Variants in ASXL1 observed in about 807,000 individuals in gnomAD.
ASXL1 encodes the protein ASXL transcriptional regulator 1.
ASXL1 carries 65 observed loss-of-function variants against 89.1 expected under a neutral mutation model. The ratio of observed to expected loss-of-function variants is 0.73; its 90% CI spans 0.60 to 0.90. The LOEUF is 0.90. ASXL1 is among the 40% of genes least tolerant of loss of function. The probability of loss-of-function intolerance (pLI) is 0.00; values close to 1 mark genes in which losing one functional copy is unlikely to be tolerated. For synonymous variants in ASXL1, 739 were observed against 746.9 expected (o/e 0.99, Z 0.17); for missense variants, 1,786 against 1,942.9 (o/e 0.92, Z 1.52).
chr20:32,428,756 G>T (rs1229541708), intron 6 of ASXL1: 2 of 305,482 alleles, frequency 6.5e-6, no homozygotes, highest in Non-Finnish European at 1.2e-5. Context: ...TGCCTCTGGG[G>T]TTCAAGCAAT....
At chr20:32,418,437 C>T (rs2049175901) in intron 4 of ASXL1, among the ~76,000 whole-genome samples, 1 of 152,116 alleles carries the variant, frequency 6.6e-6, no homozygotes, top group South Asian at 2.1e-4. Context: ...CATTGTTTAC[C>T]TACTTTAATT....
chr20:32,439,201 C>A lies in ASXL1; in HGVS notation c.*1863C>A, dbSNP rs915551499. 5.1e-5 allele frequency: 12 copies of A among 233,374 alleles called. No homozygotes were observed. The highest frequency in any genetic ancestry group is 2.4e-4 in the African/African-American group (11 of 45,324). The allele number at this position is 233,374 out of a possible 1,614,324, so 14.5% of individuals were successfully genotyped here. A position where few individuals can be genotyped will look rare whatever the true frequency, so the allele number is the denominator to read the frequency against. On this transcript the variant is annotated 3_prime_UTR_variant, in exon 13 of 13. Transcript: ENST00000375687. The stretch of plus-strand genomic sequence containing the variant: ...AGTCCTCTTCTTCCCTCTGCTGGAA[C>A]CTTTGGGGACACTCAAGGGTACAGT...
In ASXL1 at chr20:32,436,147, C is replaced by T. The variant is rs751540994; in HGVS notation, c.3435C>T (p.Gly1145=). 1.2e-6 allele frequency: 2 copies of T among 1,614,112 alleles called. No homozygotes were observed. Among genetic ancestry groups the T allele is most frequent in the African/African-American group, 1.3e-5 (1 of 74,944 alleles). Residue 1145 remains glycine, a synonymous_variant, in exon 13 of 13, where the codon GGC becomes GGT. Transcript: ENST00000375687. Reference sequence around the variant, plus strand: ...CACTTACAAAAGACCAGAGCCATGGCTCGCTACGCATGGGATCTTTACATG... The same window carrying T: ...CACTTACAAAAGACCAGAGCCATGGTTCGCTACGCATGGGATCTTTACATG... The part of the protein sequence containing the change: ...QVPLTKDQSH[G]SLRMGSLHGL...
At chr20:32,424,881 C>T (rs1270074254) in intron 4 of ASXL1, among the ~76,000 whole-genome samples, 1 of 152,048 alleles carries the variant, frequency 6.6e-6, no homozygotes, top group Non-Finnish European at 1.5e-5. Flanking sequence ...AAGTGAACAC[C>T]CTGTAACTGC....
chr20:32,369,068 G>A lies in ASXL1; in HGVS notation c.197G>A (p.Gly66Glu). Residue 66 changes from glycine to glutamate, a missense_variant, in exon 4 of 13, where the codon GGA becomes GAA. Gly to Glu is a moderately conservative substitution (Grantham distance 98, BLOSUM62 -2). This residue lies in a region of ASXL1 where 332 missense variants were observed against 449.7 expected (regional missense o/e 0.74). Coordinates refer to ENST00000375687, the MANE Select transcript of ASXL1 (RefSeq NM_015338.6). ...LNAMLHSNSRGGEGLFYKLPG... is the reference protein window; with the variant it reads ...LNAMLHSNSREGEGLFYKLPG... ...GCTATGCTACATTCCAATTCAAGAG[G>A]AGGAGAGGGGTTGTTTTATAAACTG... The A allele has an allele frequency of 6.2e-7, 1 of 1,614,134 alleles. No homozygotes were observed. The highest frequency in any genetic ancestry group is 1.1e-5 in the South Asian group (1 of 91,082).
chr20:32,404,945 A>G (rs1218865498), intron 4 of ASXL1, among the ~76,000 whole-genome samples: 1 of 152,092 alleles, frequency 6.6e-6, no homozygotes, highest in African/African-American at 2.4e-5. Context: ...TTGATGATGA[A>G]TTCCTTTTCA....
At position 32,429,860 on chromosome 20, in the gene ASXL1, G is replaced by A. The variant is rs2123221101; in HGVS notation, c.566-41G>A. 1 of 1,601,774 alleles carries A rather than the reference G, an allele frequency of 6.2e-7. No individual in the cohort carries two copies. The highest frequency in any genetic ancestry group is 8.5e-7 in the Non-Finnish European group (1 of 1,177,838). ...AGCTTGTCTGAGAGCCATGGGCGCG[G>A]CTTGGTGATACTTTTGACCAGTGGA... On this transcript the variant is annotated intron_variant, in intron 7 of 12. Coordinates refer to ENST00000375687, the MANE Select transcript of ASXL1 (RefSeq NM_015338.6). This position sits in a 1 kb window ranked among gnomAD's most constrained non-coding sequence, Gnocchi z 4.9.
chr20:32,369,235 G>C (rs1265087364), intron 4 of ASXL1, 112 bp downstream of exon 4: 8 of 992,236 alleles, frequency 8.1e-6, no homozygotes, highest in Non-Finnish European at 3.2e-6. Context: ...CTCATATGCA[G>C]TCAGGTGACA....
At chr20:32,374,148 C>T (rs2048341321) in intron 4 of ASXL1, among the ~76,000 whole-genome samples, 1 of 152,056 alleles carries the variant, frequency 6.6e-6, no homozygotes, top group Non-Finnish European at 1.5e-5. Flanking sequence ...GCTGGGACTA[C>T]AGGCGCATGC....
intron 4 of ASXL1, among the ~76,000 whole-genome samples, chr20:32,414,552 A>G (rs1012389577): frequency 2.0e-5 from 3 of 152,144 alleles, no homozygotes; most frequent in Non-Finnish European, 4.4e-5. Context: ...CTTATTTTAA[A>G]AAAAGCACTC....
chr20:32,403,379 A>G (rs1029478845), intron 4 of ASXL1, among the ~76,000 whole-genome samples: 4 of 152,078 alleles, frequency 2.6e-5, no homozygotes, highest in Admixed American at 1.3e-4. Context: ...TGTTTCAGCT[A>G]TTCTGGTTTC....
At chr20:32,427,876 A>G (rs2011374009) in intron 4 of ASXL1, 1 of 457,324 alleles carries the variant, frequency 2.2e-6, no homozygotes, top group African/African-American at 2.0e-5. Context: ...CCTCCCCAGA[A>G]CTAACATGGT....
chr20:32,380,097 CA>C (rs1191699832), intron 4 of ASXL1, among the ~76,000 whole-genome samples: 1 of 152,040 alleles, frequency 6.6e-6, no homozygotes, highest in Non-Finnish European at 1.5e-5. Context: ...GCCTGGCCAA[CA>C]CAGTGAAACT....
In ASXL1 at chr20:32,437,504, C is replaced by A; in HGVS notation, c.*166C>A. The A allele has an allele frequency of 8.9e-7, 1 of 1,128,402 alleles. No individual in the cohort carries two copies. The highest frequency in any genetic ancestry group is 1.3e-6 in the Non-Finnish European group (1 of 790,636). The allele number at this position is 1,128,402 out of a possible 1,614,324, so 69.9% of individuals were successfully genotyped here. Reference sequence around the variant, plus strand: ...TAAAGCCCTCTGTCACTTGGCGACCCTTCTGGTCTTGCTGGAGGGGTTTCC... The same window carrying A: ...TAAAGCCCTCTGTCACTTGGCGACCATTCTGGTCTTGCTGGAGGGGTTTCC... On this transcript the variant is annotated 3_prime_UTR_variant, in exon 13 of 13. Transcript: ENST00000375687.
intron 4 of ASXL1, among the ~76,000 whole-genome samples, chr20:32,408,904 A>G (rs539947787): frequency 6.6e-6 from 1 of 152,042 alleles, no homozygotes; most frequent in African/African-American, 2.4e-5. Context: ...TTAGTGTTTT[A>G]TAGTTTCCAA....
intron 10 of ASXL1, 124 bp downstream of exon 10, chr20:32,431,803 C>T: frequency 2.0e-6 from 2 of 980,368 alleles, no homozygotes; most frequent in South Asian, 1.4e-5. Flanking sequence ...GACAGGCTTT[C>T]CTCATTACTA....
At chr20:32,395,901 C>T (rs541032649) in intron 4 of ASXL1, among the ~76,000 whole-genome samples, 26 of 152,222 alleles carry the variant, frequency 1.7e-4, no homozygotes, top group African/African-American at 4.8e-4. Context: ...CAGGTTCAAG[C>T]GATTATCCTG....
intron 1 of ASXL1, chr20:32,359,743 A>G: frequency 1.4e-6 from 1 of 718,078 alleles, no homozygotes; most frequent in South Asian, 1.5e-5. Flanking sequence ...GTCTCGTTCA[A>G]CCGATGGGGG....
chr20:32,379,360 T>A (rs1600493330), intron 4 of ASXL1, among the ~76,000 whole-genome samples: 1 of 63,922 alleles, frequency 1.6e-5, no homozygotes, highest in East Asian at 2.5e-3. Context: ...AATTTATTTA[T>A]TTATTATTAT....
Sources: allele counts gnomAD v4.1 joint callset (sites outside exome capture counted in the v4.1 genomes callset), GRCh38; gene constraint gnomAD v4.1.1; regional missense constraint gnomAD v4.1.1; non-coding constraint Gnocchi (gnomAD v3.1); transcripts MANE v1.5; gene names NCBI Gene and HGNC (gene_info 2026-07-23, HGNC 2026-07-21).